ANAPC1: variants seen among roughly 807,000 people sequenced by gnomAD.
The protein encoded by ANAPC1 is anaphase promoting complex subunit 1.
Under a neutral mutation model 208.0 loss-of-function variants are expected in ANAPC1, and 36 were observed. The ratio of observed to expected loss-of-function variants is 0.17; its 90% confidence interval spans 0.13 to 0.23. The LOEUF is 0.23. Among genes scored for constraint, ANAPC1 ranks in the 10% least tolerant of loss-of-function variants. ANAPC1 has a pLI of 1.00. For missense variants in ANAPC1, 942 were observed against 2,011.6 expected (o/e 0.47, Z 10.17); for synonymous variants, 378 against 695.2 (o/e 0.54, Z 7.18).
intron 1 of ANAPC1, among the ~76,000 whole-genome samples, chr2:111,883,689 G>A (rs71414610): frequency 6.6e-6 from 1 of 152,084 alleles, no homozygotes; most frequent in Non-Finnish European, 1.5e-5. Flanking sequence ...GAAAGCTGAG[G>A]CTGCACATGG....
intron 7 of ANAPC1, among the ~76,000 whole-genome samples, chr2:111,867,212 C>G (rs527974875): frequency 1.2e-3 from 181 of 151,914 alleles, no homozygotes; most frequent in Non-Finnish European, 1.8e-3. Flanking sequence ...ATCGCTTGAA[C>G]CCAGGAGGCG....
At position 111,834,625 on chromosome 2, in the gene ANAPC1, T is replaced by C. The variant is rs1173783875; in HGVS notation, c.2363A>G (p.Glu788Gly). 6.2e-7 allele frequency: 1 copy of C among 1,604,178 alleles called. No homozygotes were observed. Among genetic ancestry groups the C allele is most frequent in the Non-Finnish European group, 8.5e-7 (1 of 1,175,750 alleles). Residue 788 changes from glutamate to glycine, a missense_variant, in exon 19 of 48, where the codon GAA becomes GGA. Physicochemically the swap from Glu to Gly is moderately conservative, Grantham distance 98. Transcript: ENST00000341068. ...TTACCTTGCCAACTGAACGAGAAGT[T>C]CAACAAGTGAACAAATTCCTTCTCC... Reference protein sequence around the residue: ...LMGEGICSLVELLVQLARDLK... With the variant: ...LMGEGICSLVGLLVQLARDLK...
intron 1 of ANAPC1, among the ~76,000 whole-genome samples, chr2:111,883,106 C>T (rs1483991293): frequency 7.2e-6 from 1 of 139,504 alleles, no homozygotes; most frequent in Non-Finnish European, 1.5e-5. Flanking sequence ...CCAGAGGTTA[C>T]AGTGAGCTGA....
intron 42 of ANAPC1, among the ~76,000 whole-genome samples, chr2:111,783,454 T>C (rs1255257575): frequency 6.6e-6 from 1 of 151,312 alleles, no homozygotes; most frequent in Non-Finnish European, 1.5e-5. Flanking sequence ...TGCTTCCCCT[T>C]TGCCTTCTGC....
At chr2:111,851,758 C>T (rs866202427) in intron 13 of ANAPC1, among the ~76,000 whole-genome samples, 1 of 150,428 alleles carries the variant, frequency 6.6e-6, no homozygotes, top group Non-Finnish European at 1.5e-5. Flanking sequence ...TGCAGTGAGC[C>T]GAGATCGCGC....
intron 46 of ANAPC1, among the ~76,000 whole-genome samples, chr2:111,774,105 TATG>T (rs1449589427): frequency 2.0e-5 from 3 of 152,112 alleles, no homozygotes; most frequent in East Asian, 1.9e-4. Flanking sequence ...AAGAAATATC[TATG>T]ATGAGGATTG....
intron 17 of ANAPC1, among the ~76,000 whole-genome samples, chr2:111,842,189 A>T (rs1294280295): frequency 6.6e-6 from 1 of 152,240 alleles, no homozygotes; most frequent in East Asian, 1.9e-4. Context: ...ATATTTTAGA[A>T]AAAATTTTTA....
At position 111,878,899 on chromosome 2, in the gene ANAPC1, C is replaced by A; in HGVS notation, c.286G>T (p.Ala96Ser). ...TTGCTCCATATCACCATATTTCCAG[C>A]AACATAGAGTTCCTCATCATAGTCC... Reference protein sequence around the residue: ...DVDYDEELYVAGNMVIWSKGS... With the variant: ...DVDYDEELYVSGNMVIWSKGS... Residue 96 changes from alanine to serine, a missense_variant, in exon 3 of 48, where the codon GCT becomes TCT. Physicochemically the swap from Ala to Ser is moderately conservative, Grantham distance 99. Transcript: ENST00000341068. 2 of 1,605,666 alleles carry A rather than the reference C, an allele frequency of 1.2e-6. No individual in the cohort carries two copies. Among genetic ancestry groups the A allele is most frequent in the Non-Finnish European group, 1.7e-6 (2 of 1,177,530 alleles).
At chr2:111,794,383 T>C in intron 35 of ANAPC1, 60 bp from the exon 36 acceptor site, 2 of 1,026,016 alleles carry the variant, frequency 1.9e-6, no homozygotes, top group Non-Finnish European at 2.9e-6. Context: ...TAACTTGAAA[T>C]AAGTAACAAT....
intron 3 of ANAPC1, among the ~76,000 whole-genome samples, chr2:111,878,497 TA>T (rs1683130683): frequency 6.6e-6 from 1 of 152,242 alleles, no homozygotes; most frequent in African/African-American, 2.4e-5. Context: ...AATCATGTGT[TA>T]AAATATTTCT....
chr2:111,827,223 TGAAGAG>T (rs974750465), intron 21 of ANAPC1, among the ~76,000 whole-genome samples: 5 of 152,148 alleles, frequency 3.3e-5, no homozygotes, highest in African/African-American at 4.8e-5. Flanking sequence ...TTATTTGCTT[TGAAGAG>T]GAAAAGAAAA....
chr2:111,817,791 T>A (rs1316619816), intron 27 of ANAPC1, among the ~76,000 whole-genome samples: 1 of 88,564 alleles, frequency 1.1e-5, no homozygotes, highest in East Asian at 3.0e-4. Context: ...ACAACATACA[T>A]TATACATTTT....
At position 111,825,041 on chromosome 2, in the gene ANAPC1, A is replaced by G. The variant is rs776663609; in HGVS notation, c.2742-5T>C. Reference sequence around the variant, plus strand: ...GTAGAATGCCTGAAACTAAACCTATAAGAGAATAAAACATAAAGTTATTAA... The same window carrying G: ...GTAGAATGCCTGAAACTAAACCTATGAGAGAATAAAACATAAAGTTATTAA... On this transcript the variant is annotated splice_polypyrimidine_tract_variant and splice_region_variant and intron_variant, in intron 23 of 47. Coordinates refer to ENST00000341068, the MANE Select transcript of ANAPC1 (RefSeq NM_022662.4). 2.5e-6 allele frequency: 4 copies of G among 1,613,906 alleles called. No homozygotes were observed. The highest frequency in any genetic ancestry group is 3.4e-6 in the Non-Finnish European group (4 of 1,179,850).
chr2:111,787,317 C>T (rs939025458), intron 39 of ANAPC1, among the ~76,000 whole-genome samples: 2 of 148,952 alleles, frequency 1.3e-5, no homozygotes, highest in Non-Finnish European at 3.0e-5. Context: ...AGGCATGAGG[C>T]CACATGTCAG....
rs914931454 is a variant in ANAPC1 at position 111,851,465 on chromosome 2, T to A, written c.1516-555A>T. On this transcript the variant is annotated intron_variant, in intron 13 of 47. Transcript: ENST00000341068. ...ATGTTAATATAGTCAACACATTATA[T>A]AAAAATCTGCACACTATGTACTCTT... 1.3e-5 allele frequency among the ~76,000 whole-genome samples: 2 copies of A among 152,148 alleles called. 1 individual carries two copies. Among genetic ancestry groups the A allele is most frequent in the South Asian group, 4.2e-4 (2 of 4,818 alleles).
intron 38 of ANAPC1, among the ~76,000 whole-genome samples, chr2:111,789,064 G>C (rs944920109): frequency 1.3e-5 from 2 of 152,258 alleles, no homozygotes; most frequent in African/African-American, 2.4e-5. Flanking sequence ...CGTGAACCCG[G>C]GAGGCGGAGC....
At chr2:111,882,741 A>G (rs1219469070) in intron 1 of ANAPC1, among the ~76,000 whole-genome samples, 1 of 151,936 alleles carries the variant, frequency 6.6e-6, no homozygotes, top group Non-Finnish European at 1.5e-5. Context: ...CCGTCTCAAA[A>G]AAAAAAAAAA....
chr2:111,801,229 C>T (rs868666512), intron 33 of ANAPC1, among the ~76,000 whole-genome samples: 7 of 151,528 alleles, frequency 4.6e-5, no homozygotes, highest in Middle Eastern at 3.2e-3. Context: ...TGGTGGCACA[C>T]GCCTGTAGTC....
At chr2:111,867,457 G>A (rs188648668) in intron 7 of ANAPC1, among the ~76,000 whole-genome samples, 97 of 152,142 alleles carry the variant, frequency 6.4e-4, no homozygotes, top group African/African-American at 2.0e-3. Context: ...TTGGGAGGCC[G>A]AGGTGGGTGG....
Sources: gnomAD v4.1 joint callset for allele counts (sites outside exome capture counted in the v4.1 genomes callset) on GRCh38, gnomAD v4.1.1 for gene constraint, MANE v1.5 for transcripts, NCBI Gene and HGNC (gene_info 2026-07-23, HGNC 2026-07-21) for gene names.